SPATA22: variants seen among roughly 807,000 people sequenced by gnomAD.
SPATA22 encodes the protein spermatogenesis associated 22.
A neutral mutation model predicts 47.8 loss-of-function variants in SPATA22; 29 were observed. The observed-to-expected ratio is 0.61, with a 90% CI of 0.45 to 0.83. The LOEUF is 0.83. SPATA22 is among the 40% of genes least tolerant of loss of function. The probability of loss-of-function intolerance (pLI) is 0.00; values close to 1 mark genes in which losing one functional copy is unlikely to be tolerated. For synonymous variants in SPATA22, 133 were observed against 140.9 expected (o/e 0.94, Z 0.40); for missense variants, 410 against 421.7 (o/e 0.97, Z 0.24).
intron 1 of SPATA22, among the ~76,000 whole-genome samples, chr17:3,478,817 T>A (rs2073578379): frequency 6.6e-6 from 1 of 152,220 alleles, no homozygotes. Context: ...GGTGGCATCA[T>A]TATCCACCAA....
rs368622924 is a variant in SPATA22, at chr17:3,494,370, G to A, written c.-74+19042C>T. The A allele has an allele frequency of 2.0e-5, 33 of 1,611,272 alleles. No individual in the cohort carries two copies. The highest frequency in any genetic ancestry group is 6.7e-5 in the East Asian group (3 of 44,890). ...CATAGGAAAAGAATTTCCTCCCTGC[G>A]CCATTGAGGTCTATAAAATTATAGA... On this transcript the variant is annotated intron_variant, in intron 1 of 8. Coordinates refer to the SPATA22 transcript ENST00000541913.
intron 1 of SPATA22, chr17:3,501,511 T>TTTCC (rs2073989136): frequency 1.3e-5 from 2 of 153,516 alleles, no homozygotes; most frequent in Non-Finnish European, 2.9e-5. Flanking sequence ...TCGCTTCTTA[T>TTTCC]AAATGAGCAA....
upstream of SPATA22, among the ~76,000 whole-genome samples, chr17:3,473,561 C>T (rs1567607480): frequency 6.6e-6 from 1 of 152,152 alleles, no homozygotes; most frequent in Non-Finnish European, 1.5e-5. Flanking sequence ...TGCAATGGCA[C>T]AATCTCAGCT....
chr17:3,453,247 T>C (rs184015191), intron 5 of SPATA22, among the ~76,000 whole-genome samples: 6 of 152,310 alleles, frequency 3.9e-5, no homozygotes, highest in Non-Finnish European at 5.9e-5. Flanking sequence ...AATATTCCCA[T>C]GTAAACAAAT....
At chr17:3,465,345 A>G (rs1361564357) in intron 3 of SPATA22, among the ~76,000 whole-genome samples, 1 of 152,052 alleles carries the variant, frequency 6.6e-6, no homozygotes, top group African/African-American at 2.4e-5. Context: ...AAGCGGGGAA[A>G]GGTGGGGAAA....
At chr17:3,456,716 G>A (rs1197958609) in intron 5 of SPATA22, among the ~76,000 whole-genome samples, 6 of 151,856 alleles carry the variant, frequency 4.0e-5, no homozygotes, top group Middle Eastern at 3.4e-3. Flanking sequence ...GCATCATCCC[G>A]ATACCAAAGC....
intron 1 of SPATA22, chr17:3,483,518 C>T: frequency 6.2e-7 from 1 of 1,614,032 alleles, no homozygotes; most frequent in Non-Finnish European, 8.5e-7. Context: ...GCTCCACTAC[C>T]CTGCTACGTT....
At chr17:3,454,673 C>A (rs1280962468) in intron 5 of SPATA22, among the ~76,000 whole-genome samples, 2 of 151,900 alleles carry the variant, frequency 1.3e-5, no homozygotes, top group Non-Finnish European at 2.9e-5. Flanking sequence ...TGTATATGTG[C>A]CACATTTTCT....
chr17:3,467,825 A>G (rs2073349356), intron 2 of SPATA22, among the ~76,000 whole-genome samples: 1 of 151,560 alleles, frequency 6.6e-6, no homozygotes, highest in African/African-American at 2.4e-5. Flanking sequence ...TCATCCCCCA[A>G]CCTTTCCAAA....
upstream of SPATA22, among the ~76,000 whole-genome samples, chr17:3,476,654 A>G (rs1174718213): frequency 6.6e-6 from 1 of 152,214 alleles, no homozygotes; most frequent in African/African-American, 2.4e-5. Context: ...ATACAGACTG[A>G]GACAATAAAT....
rs1395463033 is a variant in SPATA22 at position 3,465,242 on chromosome 17, G to T, written c.172+2184C>A. 9.4e-3 allele frequency among the ~76,000 whole-genome samples: 1,359 copies of T among 144,084 alleles called. 32 individuals carry two copies. The highest frequency in any genetic ancestry group is 0.032 in the African/African-American group (1,246 of 39,068). 94.5% of individuals were successfully genotyped at this position (144,084 alleles called of 152,430 possible). A position where few individuals can be genotyped will look rare whatever the true frequency, so the allele number is the denominator to read the frequency against. On this transcript the variant is annotated intron_variant, in intron 3 of 8. Coordinates refer to ENST00000572969, the MANE Select transcript of SPATA22 (RefSeq NM_001170698.2). Reference sequence around the variant, plus strand: ...GGCCGCCCCTACTGGGAAGTGAGGAGCCCCTCTGCCCGGCCACCACCCCGT... The same window carrying T: ...GGCCGCCCCTACTGGGAAGTGAGGATCCCCTCTGCCCGGCCACCACCCCGT...
chr17:3,505,254 T>C (rs777913617), intron 1 of SPATA22, among the ~76,000 whole-genome samples: 2 of 152,256 alleles, frequency 1.3e-5, no homozygotes, highest in Non-Finnish European at 2.9e-5. Flanking sequence ...TAATGCTTTA[T>C]GACACCGGGG....
In SPATA22 at chr17:3,498,952, C is replaced by T. The variant is rs773849106; in HGVS notation, c.-74+14460G>A. 83 of 1,612,616 alleles carry T rather than the reference C, an allele frequency of 5.1e-5. No homozygotes were observed. The South Asian group carries it at 5.7e-4, about 11-fold the overall frequency. On this transcript the variant is annotated intron_variant, in intron 1 of 8. Coordinates refer to the SPATA22 transcript ENST00000541913. ...ATGTTTTTAACTCTTGATGGGAAGACGATCCCACTGGGCGGAGACTGTACC... is the reference window on the plus strand; with the variant it reads ...ATGTTTTTAACTCTTGATGGGAAGATGATCCCACTGGGCGGAGACTGTACC...
upstream of SPATA22, among the ~76,000 whole-genome samples, chr17:3,473,862 A>G (rs2073483970): frequency 1.6e-5 from 2 of 121,942 alleles, no homozygotes; most frequent in South Asian, 4.5e-4. Flanking sequence ...AAACATTTGT[A>G]ATGCTGGAAG....
At chr17:3,456,001 G>A (rs1219636334) in intron 5 of SPATA22, among the ~76,000 whole-genome samples, 1 of 152,104 alleles carries the variant, frequency 6.6e-6, no homozygotes, top group Non-Finnish European at 1.5e-5. Flanking sequence ...TCCTTGAAGA[G>A]GTCCTTCACG....
At position 3,480,880 on chromosome 17, in the gene SPATA22, T is replaced by C. The variant is rs542537929; in HGVS notation, c.-73-11482A>G. Among the ~76,000 whole-genome samples, 10 of 152,326 alleles carry C rather than the reference T, an allele frequency of 6.6e-5. No individual in the cohort carries two copies. The South Asian group carries it at 1.4e-3, about 22-fold the overall frequency. Reference sequence around the variant, plus strand: ...GTTAGATCTCTTTCATTGTAATAATTGTCTCAGTTATAATTTTTGCAAAGG... The same window carrying C: ...GTTAGATCTCTTTCATTGTAATAATCGTCTCAGTTATAATTTTTGCAAAGG... On this transcript the variant is annotated intron_variant, in intron 1 of 8. Coordinates refer to the SPATA22 transcript ENST00000541913.
intron 8 of SPATA22, chr17:3,440,900 A>G (rs17222411): frequency 0.56 from 85,451 of 151,722 alleles, 25,815 homozygotes; most frequent in Non-Finnish European, 0.68. Flanking sequence ...TAAGAAACTG[A>G]GCAGAGATTT....
intron 1 of SPATA22, chr17:3,483,457 A>C: frequency 1.3e-6 from 2 of 1,540,168 alleles, no homozygotes; most frequent in South Asian, 2.2e-5. Context: ...AGAACAAAAC[A>C]TACGGTTTTT....
upstream of SPATA22, among the ~76,000 whole-genome samples, chr17:3,473,530 C>T (rs534631662): frequency 3.3e-5 from 5 of 152,288 alleles, no homozygotes; most frequent in East Asian, 9.6e-4. Context: ...CGGAGTTTCG[C>T]TCTTGTTCCC....
Sources: allele counts gnomAD v4.1 joint callset (sites outside exome capture counted in the v4.1 genomes callset), GRCh38; gene constraint gnomAD v4.1.1; transcripts MANE v1.5; gene names NCBI Gene and HGNC (gene_info 2026-07-23, HGNC 2026-07-21).